MICAL3: variants seen among roughly 807,000 people sequenced by gnomAD.
MICAL3 encodes [F-actin]-monooxygenase MICAL3.
In MICAL3, 62 loss-of-function variants were observed where a neutral mutation model predicts 207.4. The observed-to-expected ratio is 0.30, with a 90% CI of 0.24 to 0.37. The LOEUF is 0.37. Ranked by LOEUF, MICAL3 falls within the 10% of genes least tolerant of loss-of-function variation. The pLI is 1.00. For missense variants in MICAL3, 2,368 were observed against 2,635.6 expected (o/e 0.90, Z 2.22); for synonymous variants, 1,077 against 1,069.3 (o/e 1.01, Z -0.14).
chr22:17,845,400 A>G (rs1924525335), intron 19 of MICAL3, among the ~76,000 whole-genome samples: 1 of 151,864 alleles, frequency 6.6e-6, no homozygotes, highest in Admixed American at 6.6e-5. Context: ...AGATTAAAAC[A>G]CTCTCTACTC....
At chr22:17,878,367 C>T (rs1439550899) in intron 16 of MICAL3, among the ~76,000 whole-genome samples, 1 of 152,146 alleles carries the variant, frequency 6.6e-6, no homozygotes, top group Non-Finnish European at 1.5e-5. Flanking sequence ...TGGGGCGAGG[C>T]CATGGAAAGG....
intron 1 of MICAL3, among the ~76,000 whole-genome samples, chr22:18,010,271 T>C (rs1313662400): frequency 6.6e-6 from 1 of 150,852 alleles, no homozygotes; most frequent in East Asian, 2.0e-4. Flanking sequence ...CAAATCCTTC[T>C]CTTCGCTCCC....
intron 1 of MICAL3, among the ~76,000 whole-genome samples, chr22:17,907,964 G>A (rs934664167): frequency 2.0e-5 from 3 of 152,154 alleles, no homozygotes; most frequent in African/African-American, 4.8e-5. Flanking sequence ...GCACACCTAC[G>A]TCCAGTGAGT....
chr22:17,894,006 G>T, intron 10 of MICAL3, 102 bp from the exon 11 acceptor site: 1 of 816,950 alleles, frequency 1.2e-6, no homozygotes, highest in Non-Finnish European at 2.0e-6. Context: ...GGGATAGAAG[G>T]CTGGGTAAAG....
intron 19 of MICAL3, chr22:17,863,540 TAA>T (rs979974465): frequency 1.3e-5 from 13 of 985,296 alleles, no homozygotes; most frequent in African/African-American, 1.7e-5. Context: ...GTAGAAGGTT[TAA>T]AAGTCATTAA....
intron 1 of MICAL3, among the ~76,000 whole-genome samples, chr22:17,986,512 T>A (rs1921031082): frequency 6.6e-6 from 1 of 150,852 alleles, no homozygotes; most frequent in Admixed American, 6.6e-5. Flanking sequence ...AGAGCGAGAA[T>A]CTGTCTCAAA....
chr22:17,809,159 G>A (rs1191687335), intron 28 of MICAL3, among the ~76,000 whole-genome samples: 5 of 152,246 alleles, frequency 3.3e-5, no homozygotes, highest in African/African-American at 4.8e-5. Context: ...GCATCAAAGC[G>A]CGTGGACGTG....
intron 29 of MICAL3, among the ~76,000 whole-genome samples, chr22:17,807,259 C>A (rs184844535): frequency 6.6e-6 from 1 of 152,200 alleles, no homozygotes; most frequent in Non-Finnish European, 1.5e-5. Flanking sequence ...CGGACGCAGT[C>A]GGGCACAGGT....
intron 1 of MICAL3, among the ~76,000 whole-genome samples, chr22:18,015,160 C>T (rs1377909358): frequency 6.6e-6 from 1 of 152,134 alleles, no homozygotes; most frequent in Non-Finnish European, 1.5e-5. Context: ...AAGGACTTCA[C>T]CAAAGTTAAA....
chr22:17,909,518 C>A (rs1931976169), intron 1 of MICAL3, among the ~76,000 whole-genome samples: 1 of 152,208 alleles, frequency 6.6e-6, no homozygotes, highest in African/African-American at 2.4e-5. Flanking sequence ...GAGTGAGACC[C>A]TGTCTCAAAA....
At chr22:17,950,909 A>G (rs897456672) in intron 1 of MICAL3, among the ~76,000 whole-genome samples, 3 of 152,226 alleles carry the variant, frequency 2.0e-5, no homozygotes, top group African/African-American at 7.2e-5. Context: ...AGAATGCTTC[A>G]TGAGACATTT....
At chr22:17,881,107 G>A (rs1929377623) in intron 16 of MICAL3, 4 of 1,010,882 alleles carry the variant, frequency 4.0e-6, no homozygotes, top group East Asian at 4.8e-5. Context: ...GATAGTTATT[G>A]CTGGTAAGAG....
chr22:17,963,799 G>A (rs1076544), intron 1 of MICAL3, among the ~76,000 whole-genome samples: 30,454 of 152,140 alleles, frequency 0.2, 3,212 homozygotes, highest in Middle Eastern at 0.27. Flanking sequence ...CCCACAGGCC[G>A]ATCATTGCCT....
chr22:17,806,598 A>G (rs911611602), intron 29 of MICAL3, among the ~76,000 whole-genome samples: 1 of 152,236 alleles, frequency 6.6e-6, no homozygotes, highest in Non-Finnish European at 1.5e-5. Context: ...ACTTATAGCA[A>G]CTACAGTTCT....
At chr22:17,897,753 G>A (rs1331117773) in intron 7 of MICAL3, among the ~76,000 whole-genome samples, 4 of 152,224 alleles carry the variant, frequency 2.6e-5, no homozygotes, top group Admixed American at 2.0e-4. Flanking sequence ...GGAGGTGGGA[G>A]CAATGGTAGT....
At chr22:17,904,362 A>G (rs1343376377) in intron 3 of MICAL3, among the ~76,000 whole-genome samples, 1 of 152,234 alleles carries the variant, frequency 6.6e-6, no homozygotes, top group African/African-American at 2.4e-5. Context: ...GAGCTCAGGA[A>G]GAGTCCACGA....
chr22:17,927,301 C>T (rs1932968613), intron 1 of MICAL3, among the ~76,000 whole-genome samples: 1 of 152,164 alleles, frequency 6.6e-6, no homozygotes, highest in Non-Finnish European at 1.5e-5. Context: ...CATTGTAGTC[C>T]ACATTGCATT....
At chr22:17,982,862 G>A (rs79216983) in intron 1 of MICAL3, among the ~76,000 whole-genome samples, 1,602 of 152,246 alleles carry the variant, frequency 0.011, 35 homozygotes, top group African/African-American at 0.037. Flanking sequence ...GCAGGGAAGC[G>A]CATTTTAAAT....
intron 1 of MICAL3, among the ~76,000 whole-genome samples, chr22:17,963,214 G>A (rs1050182200): frequency 6.6e-6 from 1 of 152,112 alleles, no homozygotes; most frequent in African/African-American, 2.4e-5. Flanking sequence ...CCAGGCTCAA[G>A]TGGTCCTCCC....
Sources: gnomAD v4.1 joint callset for allele counts (sites outside exome capture counted in the v4.1 genomes callset) on GRCh38, gnomAD v4.1.1 for gene constraint, MANE v1.5 for transcripts, NCBI Gene and HGNC (gene_info 2026-07-23, HGNC 2026-07-21) for gene names.